Variants in FRAS1 observed in about 807,000 individuals in gnomAD.
FRAS1 encodes the protein extracellular matrix organizing protein FRAS1.
FRAS1 carries 290 observed loss-of-function variants against 435.2 expected under a neutral mutation model. The observed-to-expected ratio is 0.67, with a 90% CI of 0.61 to 0.73. The LOEUF is 0.73. Among genes scored for constraint, FRAS1 ranks in the 30% least tolerant of loss-of-function variants. FRAS1 has a pLI of 0.00. For synonymous variants in FRAS1, 1,800 were observed against 1,851.0 expected (o/e 0.97, Z 0.71); for missense variants, 4,860 against 5,001.5 (o/e 0.97, Z 0.85).
chr4:78,457,566 A>G (rs6817678), intron 47 of FRAS1, among the ~76,000 whole-genome samples: 46,460 of 152,076 alleles, frequency 0.31, 8,336 homozygotes, highest in Admixed American at 0.4. Flanking sequence ...AAATCTTAAA[A>G]TCAGGCAGAT....
chr4:78,422,063 C>G, intron 34 of FRAS1, 63 bp downstream of exon 34: 1 of 1,516,796 alleles, frequency 6.6e-7, no homozygotes, highest in South Asian at 1.3e-5. Flanking sequence ...ATGACAGGCT[C>G]GCCCTAACTC....
In FRAS1 at chr4:78,509,281, C is replaced by A. The variant is rs1578365162; in HGVS notation, c.9780+275C>A. 2.0e-5 allele frequency among the ~76,000 whole-genome samples: 3 copies of A among 152,316 alleles called. No individual in the cohort carries two copies. In the Middle Eastern group the frequency reaches 0.01, roughly 518 times the overall value. On this transcript the variant is annotated intron_variant, in intron 63 of 73. Transcript: ENST00000512123. ...TTACTTAATCTCTCTGAGTCTCAGT[C>A]TCCTGATCTGCAAAGTAATAATTCT...
Position 78,541,406 on chromosome 4 carries a change from A to T in FRAS1, c.*282A>T, listed in dbSNP as rs3749485. 0.27 allele frequency: 66,386 copies of T among 249,630 alleles called. 9,892 individuals carry two copies. The highest frequency in any genetic ancestry group is 0.32 in the Non-Finnish European group (41,919 of 132,442). 15.5% of individuals were successfully genotyped at this position (249,630 alleles called of 1,614,324 possible). A position where few individuals can be genotyped will look rare whatever the true frequency, so the allele number is the denominator to read the frequency against. On this transcript the variant is annotated 3_prime_UTR_variant, in exon 74 of 74. Coordinates refer to ENST00000512123, the MANE Select transcript of FRAS1 (RefSeq NM_025074.7). ...GGTCTTAGAAAACAAGTACTTTAGT[A>T]TCAGGACAGGAGTTGAACAATTAGG... is the stretch of plus-strand genomic sequence containing the variant.
chr4:78,137,334 G>A (rs1037530929), intron 2 of FRAS1, among the ~76,000 whole-genome samples: 1 of 152,150 alleles, frequency 6.6e-6, no homozygotes, highest in African/African-American at 2.4e-5. Context: ...GTTAAGTAAA[G>A]TAACTTCTTT....
chr4:78,293,388 G>A (rs1727992646), intron 14 of FRAS1, among the ~76,000 whole-genome samples: 1 of 152,150 alleles, frequency 6.6e-6, no homozygotes. Flanking sequence ...GAAATGTACA[G>A]GCATGACTAA....
chr4:78,129,235 T>G (rs974410155), intron 2 of FRAS1, among the ~76,000 whole-genome samples: 5 of 152,184 alleles, frequency 3.3e-5, no homozygotes, highest in Admixed American at 6.5e-5. Flanking sequence ...CTTGGCGATG[T>G]GGGCTCTTTT....
intron 20 of FRAS1, among the ~76,000 whole-genome samples, chr4:78,358,933 T>TC: frequency 6.6e-6 from 1 of 152,172 alleles, no homozygotes; most frequent in African/African-American, 2.4e-5. Context: ...CCACATTTAA[T>TC]TTAATCTAAT....
intron 2 of FRAS1, among the ~76,000 whole-genome samples, chr4:78,125,813 C>A (rs1003519940): frequency 2.0e-5 from 3 of 152,186 alleles, no homozygotes; most frequent in Non-Finnish European, 4.4e-5. Flanking sequence ...GGAGATGTCT[C>A]CCAGTCAGGC....
Position 78,464,076 on chromosome 4 carries a change from T to A in FRAS1, c.6819T>A (p.Tyr2273Ter), listed in dbSNP as rs746351714. ...QADLTSRNVQ[Y>*]VHSSEAEKHS... ...ATCTGACTTCACGAAATGTTCAGTATGTCCATTCTAGTGAGGCTGAGAAAC... is the reference window on the plus strand; with the variant it reads ...ATCTGACTTCACGAAATGTTCAGTAAGTCCATTCTAGTGAGGCTGAGAAAC... Residue 2273 changes from tyrosine to a stop codon, truncating the protein, a stop_gained, in exon 48 of 74, where the codon TAT (tyrosine) becomes TAA (stop). Transcript: ENST00000512123. LOFTEE classifies it high-confidence loss of function. The A allele has an allele frequency of 2.5e-6, 4 of 1,613,768 alleles. No homozygotes were observed. The East Asian group carries it at 8.9e-5, about 36-fold the overall frequency.
chr4:78,181,866 T>G, intron 2 of FRAS1: 1 of 1,611,952 alleles, frequency 6.2e-7, no homozygotes, highest in Non-Finnish European at 8.5e-7. Context: ...TTGGAGTTGG[T>G]CTGGGCCGCC....
chr4:78,142,504 G>GATCC (rs1720235712), intron 2 of FRAS1, among the ~76,000 whole-genome samples: 1 of 152,044 alleles, frequency 6.6e-6, no homozygotes, highest in African/African-American at 2.4e-5. Flanking sequence ...GATACAAAAA[G>GATCC]ATCCGTCAGG....
At chr4:78,250,329 T>C (rs991619016) in intron 4 of FRAS1, among the ~76,000 whole-genome samples, 1 of 152,208 alleles carries the variant, frequency 6.6e-6, no homozygotes, top group Non-Finnish European at 1.5e-5. Flanking sequence ...AATTATGCTG[T>C]GTTTTATGTC....
intron 61 of FRAS1, among the ~76,000 whole-genome samples, chr4:78,507,019 G>A (rs1223450313): frequency 1.3e-5 from 2 of 152,154 alleles, no homozygotes; most frequent in Non-Finnish European, 2.9e-5. Context: ...AGCTTTGAAG[G>A]ATATCTGTAT....
intron 20 of FRAS1, among the ~76,000 whole-genome samples, chr4:78,359,692 C>T (rs538022047): frequency 1.3e-5 from 2 of 152,164 alleles, no homozygotes; most frequent in Non-Finnish European, 2.9e-5. Context: ...AGGTAGTGAA[C>T]AAAAAGAGTT....
intron 3 of FRAS1, among the ~76,000 whole-genome samples, chr4:78,241,870 T>C (rs1434862766): frequency 4.6e-5 from 7 of 152,092 alleles, no homozygotes. Flanking sequence ...ATTGAAGTTG[T>C]CTAGAATGAT....
intron 2 of FRAS1, among the ~76,000 whole-genome samples, chr4:78,205,771 G>A (rs540348807): frequency 2.3e-4 from 35 of 152,256 alleles, no homozygotes; most frequent in African/African-American, 8.4e-4. Flanking sequence ...GGCACATTTT[G>A]CTGCCTTTGC....
intron 22 of FRAS1, among the ~76,000 whole-genome samples, chr4:78,367,080 A>G (rs1230480660): frequency 6.6e-6 from 1 of 152,160 alleles, no homozygotes; most frequent in Non-Finnish European, 1.5e-5. Flanking sequence ...TGAGGTATAC[A>G]TCACGGTTCC....
intron 6 of FRAS1, among the ~76,000 whole-genome samples, chr4:78,260,610 C>A (rs971978843): frequency 1.9e-4 from 29 of 151,978 alleles, no homozygotes; most frequent in Admixed American, 3.3e-4. Flanking sequence ...TGGGCTGAGA[C>A]AATGGGGTTT....
At chr4:78,194,319 G>A (rs1722697785) in intron 2 of FRAS1, among the ~76,000 whole-genome samples, 1 of 152,180 alleles carries the variant, frequency 6.6e-6, no homozygotes, top group Non-Finnish European at 1.5e-5. Flanking sequence ...ATGTTGGCCT[G>A]CCTTGCTAGA....
Sources: allele counts gnomAD v4.1 joint callset (sites outside exome capture counted in the v4.1 genomes callset), GRCh38; gene constraint gnomAD v4.1.1; transcripts MANE v1.5; gene names NCBI Gene and HGNC (gene_info 2026-07-23, HGNC 2026-07-21).